The following FBXO11 variants were observed in gnomAD, a reference collection of about 807,000 sequenced individuals.
FBXO11 encodes F-box only protein 11.
Under a neutral mutation model 117.0 loss-of-function variants are expected in FBXO11, and 13 were observed. The observed-to-expected ratio is 0.11, with a 90% confidence interval of 0.07 to 0.18. FBXO11 has a LOEUF of 0.18. Ranked by LOEUF, FBXO11 falls within the 10% of genes least tolerant of loss-of-function variation. FBXO11 has a pLI of 1.00. For synonymous variants in FBXO11, 490 were observed against 380.5 expected, an observed-to-expected ratio of 1.29 and a Z score of -3.35; for missense variants, 767 against 1,164.4, an observed-to-expected ratio of 0.66 and a Z score of 4.97.
intron 1 of FBXO11, among the ~76,000 whole-genome samples, chr2:47,903,138 T>A (rs1045098709): frequency 3.9e-5 from 6 of 152,176 alleles, no homozygotes; most frequent in South Asian, 4.1e-4. Context: ...AAAAACGTAA[T>A]TAAAATGTCA....
At chr2:47,844,180 C>G (rs1332917253) in intron 1 of FBXO11, among the ~76,000 whole-genome samples, 2 of 152,148 alleles carry the variant, frequency 1.3e-5, no homozygotes, top group African/African-American at 4.8e-5. Flanking sequence ...TTAATTTTTT[C>G]CAAGTTTTAC....
intron 13 of FBXO11, among the ~76,000 whole-genome samples, chr2:47,821,863 G>A (rs1475611746): frequency 6.6e-6 from 1 of 151,936 alleles, no homozygotes; most frequent in Non-Finnish European, 1.5e-5. Flanking sequence ...AGACCAAGGC[G>A]GGAAGATCAC....
At chr2:47,859,020 G>A (rs1437910918) in intron 1 of FBXO11, among the ~76,000 whole-genome samples, 9 of 136,856 alleles carry the variant, frequency 6.6e-5, no homozygotes, top group South Asian at 2.3e-4. Context: ...CAGCCTGGGC[G>A]ACTGAGCAAA....
chr2:47,817,954 C>G (rs1572774324), intron 16 of FBXO11, among the ~76,000 whole-genome samples: 1 of 152,168 alleles, frequency 6.6e-6, no homozygotes, highest in Non-Finnish European at 1.5e-5. Context: ...TTGAGACCAG[C>G]CTGACCAATA....
At chr2:47,809,040 A>G in intron 21 of FBXO11, 118 bp downstream of exon 21, 2 of 611,306 alleles carry the variant, frequency 3.3e-6, no homozygotes, top group Non-Finnish European at 5.7e-6. Context: ...ATTGATGATA[A>G]AATTTTCAGT....
At chr2:47,894,506 G>A (rs964013747) in intron 1 of FBXO11, among the ~76,000 whole-genome samples, 1 of 152,126 alleles carries the variant, frequency 6.6e-6, no homozygotes, top group African/African-American at 2.4e-5. Context: ...CAAGTTTTTG[G>A]AATGAAGGCC....
At chr2:47,894,177 G>A (rs1677476703) in intron 1 of FBXO11, among the ~76,000 whole-genome samples, 1 of 152,170 alleles carries the variant, frequency 6.6e-6, no homozygotes, top group South Asian at 2.1e-4. Flanking sequence ...TATCAAGGAT[G>A]CTGGGCAGAG....
In FBXO11 at chr2:47,882,244, T is replaced by C. The variant is rs538838535; in HGVS notation, c.232+23245A>G. 7.9e-5 allele frequency among the ~76,000 whole-genome samples: 12 copies of C among 152,330 alleles called. No homozygotes were observed. In the South Asian group the frequency reaches 2.1e-3, roughly 26 times the overall value. On this transcript the variant is annotated intron_variant, in intron 1 of 22. Transcript: ENST00000403359. The stretch of plus-strand genomic sequence containing the variant: ...CTTTAGCTCGCACTTTACTTTCTTA[T>C]CTTATAAATGTTGTTCGACTGGGGT...
chr2:47,824,274 G>C (rs1671587031), intron 11 of FBXO11, among the ~76,000 whole-genome samples: 1 of 152,124 alleles, frequency 6.6e-6, no homozygotes, highest in Non-Finnish European at 1.5e-5. Flanking sequence ...GACTGCTTGA[G>C]CCCTGGAGCT....
At chr2:47,835,251 A>T (rs2104827254) in intron 5 of FBXO11, among the ~76,000 whole-genome samples, 1 of 152,338 alleles carries the variant, frequency 6.6e-6, no homozygotes, top group Middle Eastern at 3.4e-3. Context: ...TCCCACAGAA[A>T]GCAAAATCAT....
At chr2:47,839,999 A>G (rs1672889803) in intron 1 of FBXO11, among the ~76,000 whole-genome samples, 1 of 151,456 alleles carries the variant, frequency 6.6e-6, no homozygotes, top group African/African-American at 2.4e-5. Flanking sequence ...GCTGGAGTGC[A>G]GTGGCGCAAT....
At chr2:47,861,509 A>G (rs1003461419) in intron 1 of FBXO11, among the ~76,000 whole-genome samples, 1 of 151,890 alleles carries the variant, frequency 6.6e-6, no homozygotes, top group Non-Finnish European at 1.5e-5. Flanking sequence ...TTTTGGAGAG[A>G]TGGTGTCTTG....
In FBXO11 at chr2:47,807,097, G is replaced by A; in HGVS notation, c.*1021C>T. On this transcript the variant is annotated 3_prime_UTR_variant, in exon 23 of 23. Transcript: ENST00000403359. ...ACTTTCAGGCTGTTTTATACCCACT[G>A]TCACCAATACACATAAATGGGGGAG... 2.0e-6 allele frequency: 1 copy of A among 512,528 alleles called. No homozygotes were observed. Among genetic ancestry groups the A allele is most frequent in the Non-Finnish European group, 3.5e-6 (1 of 289,132 alleles). The allele number at this position is 512,528 out of a possible 1,614,324, so 31.7% of individuals were successfully genotyped here. A position where few individuals can be genotyped will look rare whatever the true frequency, so the allele number is the denominator to read the frequency against.
intron 1 of FBXO11, among the ~76,000 whole-genome samples, chr2:47,889,960 C>T (rs941199574): frequency 6.6e-6 from 1 of 152,076 alleles, no homozygotes; most frequent in South Asian, 2.1e-4. Flanking sequence ...AATTATCTGA[C>T]GCAAAAAGAA....
chr2:47,905,317 G>T, intron 1 of FBXO11, 172 bp downstream of exon 1: 1 of 589,714 alleles, frequency 1.7e-6, no homozygotes, highest in Non-Finnish European at 2.3e-6. Context: ...CCTGCCGGCC[G>T]GGCCCGGCCC....
At chr2:47,863,179 C>G (rs1267496057) in intron 1 of FBXO11, among the ~76,000 whole-genome samples, 1 of 151,070 alleles carries the variant, frequency 6.6e-6, no homozygotes, top group African/African-American at 2.4e-5. Flanking sequence ...AAAATAAAAC[C>G]AAAACATTGT....
Position 47,807,692 on chromosome 2 carries a change from C to G in FBXO11, c.*426G>C. The G allele has an allele frequency of 4.3e-6, 1 of 231,100 alleles. No homozygotes were observed. The highest frequency in any genetic ancestry group is 8.6e-6 in the Non-Finnish European group (1 of 116,294). The allele number at this position is 231,100 out of a possible 1,614,324, so 14.3% of individuals were successfully genotyped here. A position where few individuals can be genotyped will look rare whatever the true frequency, so the allele number is the denominator to read the frequency against. ...TAAAAAAAAAAAATCAAAAGGAACG[C>G]AGAAGTGCTAGCTCACATTTTTACC... On this transcript the variant is annotated 3_prime_UTR_variant, in exon 23 of 23. Coordinates refer to ENST00000403359, the MANE Select transcript of FBXO11 (RefSeq NM_001190274.2).
intron 1 of FBXO11, among the ~76,000 whole-genome samples, chr2:47,862,140 C>G (rs1674825983): frequency 6.6e-6 from 1 of 152,060 alleles, no homozygotes; most frequent in Non-Finnish European, 1.5e-5. Flanking sequence ...AGGCTGGTCT[C>G]AAACGCTTGA....
At chr2:47,856,720 TAACTTC>T (rs1459070842) in intron 1 of FBXO11, among the ~76,000 whole-genome samples, 4 of 152,236 alleles carry the variant, frequency 2.6e-5, no homozygotes, top group Non-Finnish European at 5.9e-5. Flanking sequence ...ATTTACTTTT[TAACTTC>T]AACAATCAAC....
Sources: allele counts gnomAD v4.1 joint callset (sites outside exome capture counted in the v4.1 genomes callset), GRCh38; gene constraint gnomAD v4.1.1; transcripts MANE v1.5; gene names NCBI Gene and HGNC (gene_info 2026-07-23, HGNC 2026-07-21).